Variants in GSE1 observed in about 807,000 individuals in gnomAD.
GSE1 encodes the protein genetic suppressor element 1.
In GSE1, 32 loss-of-function variants were observed where a neutral mutation model predicts 112.6. The ratio of observed to expected loss-of-function variants is 0.28; its 90% CI spans 0.21 to 0.38. The LOEUF (loss-of-function observed/expected upper bound fraction) is 0.38, where lower values mean the gene tolerates loss of function less well. Among genes scored for constraint, GSE1 ranks in the 10% least tolerant of loss-of-function variants. GSE1 has a pLI of 1.00. For synonymous variants in GSE1, 1,115 were observed against 735.6 expected (o/e 1.52, Z -8.35); for missense variants, 2,348 against 1,699.2 (o/e 1.38, Z -6.71).
chr16:85,324,722 C>T (rs1191193261), intron 1 of GSE1, among the ~76,000 whole-genome samples: 1 of 152,028 alleles, frequency 6.6e-6, no homozygotes, highest in Non-Finnish European at 1.5e-5. Flanking sequence ...GGGTCTGCGC[C>T]ATCCGTGACA....
chr16:85,355,235 A>AT (rs2046927783), intron 1 of GSE1, among the ~76,000 whole-genome samples: 1 of 151,984 alleles, frequency 6.6e-6, no homozygotes, highest in East Asian at 1.9e-4. Context: ...GAAAAAAAAA[A>AT]CAAAAAACCG....
At chr16:85,414,286 C>A (rs959529439) in intron 2 of GSE1, among the ~76,000 whole-genome samples, 6 of 152,244 alleles carry the variant, frequency 3.9e-5, no homozygotes, top group Non-Finnish European at 5.9e-5. Context: ...ATTTCGGGAA[C>A]TGCATTGGTT....
intron 3 of GSE1, among the ~76,000 whole-genome samples, chr16:85,650,807 C>T (rs1211758520): frequency 6.6e-6 from 1 of 151,984 alleles, no homozygotes; most frequent in Non-Finnish European, 1.5e-5. Flanking sequence ...CCACCCGGCC[C>T]AAAGCTGTGG....
chr16:85,382,441 G>A (rs1417512897), intron 2 of GSE1, among the ~76,000 whole-genome samples: 1 of 152,196 alleles, frequency 6.6e-6, no homozygotes, highest in African/African-American at 2.4e-5. Context: ...CGCTGCCCCT[G>A]CAATGTGCAG....
intron 2 of GSE1, among the ~76,000 whole-genome samples, chr16:85,437,745 A>G (rs995091732): frequency 1.3e-5 from 2 of 152,180 alleles, no homozygotes; most frequent in East Asian, 3.9e-4. Context: ...CTAGGAATCC[A>G]CAGATCAGGG....
intron 2 of GSE1, among the ~76,000 whole-genome samples, chr16:85,474,250 G>A (rs1281930643): frequency 1.3e-5 from 2 of 152,058 alleles, no homozygotes; most frequent in Non-Finnish European, 2.9e-5. Context: ...GGGAGAGCCG[G>A]CATCTCAGTG....
intron 2 of GSE1, among the ~76,000 whole-genome samples, chr16:85,377,491 T>C (rs1460403096): frequency 6.6e-6 from 1 of 152,214 alleles, no homozygotes; most frequent in Non-Finnish European, 1.5e-5. Flanking sequence ...ACCCTCTCTG[T>C]GCCTTAGCTG....
chr16:85,221,706 C>A (rs993124419), intron 1 of GSE1, among the ~76,000 whole-genome samples: 18 of 152,196 alleles, frequency 1.2e-4, no homozygotes, highest in African/African-American at 4.3e-4. Flanking sequence ...AGCAGCAGCC[C>A]TTTAAGCCCA....
intron 1 of GSE1, among the ~76,000 whole-genome samples, chr16:85,303,475 C>CCCGCCGCTGT (rs934694842): frequency 6.6e-6 from 1 of 151,592 alleles, no homozygotes; most frequent in Non-Finnish European, 1.5e-5. Context: ...GCGCCGCACC[C>CCCGCCGCTGT]CCGCCGCTGT....
upstream of GSE1, among the ~76,000 whole-genome samples, chr16:85,609,938 G>A (rs879600312): frequency 3.3e-5 from 5 of 152,204 alleles, no homozygotes; most frequent in Admixed American, 6.5e-5. Context: ...GATTACAGGC[G>A]TGAGCTACCA....
chr16:85,616,257 T>TG (rs2048365554), intron 1 of GSE1, among the ~76,000 whole-genome samples: 1 of 152,212 alleles, frequency 6.6e-6, no homozygotes, highest in Non-Finnish European at 1.5e-5. Flanking sequence ...GGAGGCGGAC[T>TG]GGGGGGCCTT....
intron 1 of GSE1, among the ~76,000 whole-genome samples, chr16:85,260,811 C>A (rs1272279350): frequency 1.3e-5 from 2 of 152,250 alleles, no homozygotes; most frequent in Non-Finnish European, 2.9e-5. Context: ...AGCCCCCACC[C>A]CTGCATGACA....
At chr16:85,309,514 A>G (rs1314090487) in intron 1 of GSE1, among the ~76,000 whole-genome samples, 1 of 151,680 alleles carries the variant, frequency 6.6e-6, no homozygotes, top group African/African-American at 2.4e-5. Flanking sequence ...ATAAATAAAT[A>G]AATAAATAAG....
At chr16:85,655,448 C>T (rs1225257460) in intron 5 of GSE1, among the ~76,000 whole-genome samples, 1 of 152,208 alleles carries the variant, frequency 6.6e-6, no homozygotes, top group Non-Finnish European at 1.5e-5. Context: ...TGCTCGCCAG[C>T]CTTGGAAGGG....
At chr16:85,643,568 T>G (rs1386076072) in intron 2 of GSE1, among the ~76,000 whole-genome samples, 1 of 152,040 alleles carries the variant, frequency 6.6e-6, no homozygotes, top group African/African-American at 2.4e-5. Context: ...GGCAGCTGCC[T>G]TGGTCATGGC....
intron 11 of GSE1, among the ~76,000 whole-genome samples, chr16:85,663,842 G>A (rs567710548): frequency 3.3e-5 from 5 of 152,376 alleles, no homozygotes; most frequent in East Asian, 1.9e-4. Context: ...TTGACCTGAG[G>A]ACTACCCATG....
At chr16:85,241,082 C>T (rs527941904) in intron 1 of GSE1, among the ~76,000 whole-genome samples, 195 of 152,270 alleles carry the variant, frequency 1.3e-3, no homozygotes, top group African/African-American at 4.3e-3. Context: ...CAGGCTTCCC[C>T]GTGAAACGAG....
chr16:85,197,826 C>G (rs1226240862), intron 1 of GSE1, among the ~76,000 whole-genome samples: 1 of 152,216 alleles, frequency 6.6e-6, no homozygotes, highest in Admixed American at 6.5e-5. Context: ...AGGCCTGGAG[C>G]AGAGAGAGGG....
At chr16:85,287,588 C>G (rs2045074606) in intron 1 of GSE1, among the ~76,000 whole-genome samples, 1 of 152,098 alleles carries the variant, frequency 6.6e-6, no homozygotes, top group African/African-American at 2.4e-5. Flanking sequence ...TGCTTTCCTC[C>G]TGATTTCCAC....
Sources: allele counts gnomAD v4.1 joint callset (sites outside exome capture counted in the v4.1 genomes callset), GRCh38; gene constraint gnomAD v4.1.1; transcripts MANE v1.5; gene names NCBI Gene and HGNC (gene_info 2026-07-23, HGNC 2026-07-21).